The following SSBP2 variants were observed in gnomAD, a reference collection of about 807,000 sequenced individuals.
SSBP2 encodes the protein single stranded DNA binding protein 2, also known as single-stranded DNA-binding protein 2.
SSBP2 carries 17 observed loss-of-function variants against 61.8 expected under a neutral mutation model. The observed-to-expected ratio is 0.28, with a 90% CI of 0.19 to 0.41. SSBP2 has a LOEUF of 0.41. SSBP2 is among the 10% of genes least tolerant of loss of function. The probability of loss-of-function intolerance (pLI) is 1.00; values close to 1 mark genes in which losing one functional copy is unlikely to be tolerated. For missense variants in SSBP2, 310 were observed against 458.7 expected (o/e 0.68, Z 2.96); for synonymous variants, 139 against 141.3 (o/e 0.98, Z 0.12).
upstream of SSBP2, chr5:81,751,280 C>G (rs1431376920): frequency 1.7e-6 from 1 of 578,080 alleles, no homozygotes; most frequent in Non-Finnish European, 3.1e-6. Context: ...CCCTCCTTCC[C>G]TCCCTCCCCG....
intron 4 of SSBP2, 37 bp downstream of exon 4, chr5:81,615,436 T>C (rs563012307): frequency 6.9e-7 from 1 of 1,455,614 alleles, no homozygotes; most frequent in East Asian, 2.3e-5. Context: ...AACAGAAAAC[T>C]GACAGTGTAA....
chr5:81,649,965 C>T (rs1369378059), intron 2 of SSBP2, among the ~76,000 whole-genome samples: 1 of 151,996 alleles, frequency 6.6e-6, no homozygotes, highest in Non-Finnish European at 1.5e-5. Flanking sequence ...TTATAACTCT[C>T]ACAAATTTTT....
chr5:81,459,224 G>A (rs753638967), intron 10 of SSBP2, among the ~76,000 whole-genome samples: 1 of 152,132 alleles, frequency 6.6e-6, no homozygotes, highest in African/African-American at 2.4e-5. Context: ...ATCCTAAAGA[G>A]ATGGAGTACC....
chr5:81,626,469 G>A (rs1017030774), intron 3 of SSBP2, among the ~76,000 whole-genome samples: 5 of 152,156 alleles, frequency 3.3e-5, no homozygotes, highest in Non-Finnish European at 5.9e-5. Flanking sequence ...TAATTATTAC[G>A]TTATTTTGTT....
At chr5:81,675,512 C>T (rs192519954) in intron 1 of SSBP2, among the ~76,000 whole-genome samples, 1 of 152,232 alleles carries the variant, frequency 6.6e-6, no homozygotes, top group Admixed American at 6.5e-5. Context: ...GGAATAGATA[C>T]CTAGACAGCT....
At chr5:81,523,787 G>T (rs534792598) in intron 4 of SSBP2, among the ~76,000 whole-genome samples, 1 of 151,782 alleles carries the variant, frequency 6.6e-6, no homozygotes, top group African/African-American at 2.4e-5. Flanking sequence ...ACTCCCTACC[G>T]CCAACACACA....
At chr5:81,537,366 A>G (rs1403458971) in intron 4 of SSBP2, among the ~76,000 whole-genome samples, 1 of 152,186 alleles carries the variant, frequency 6.6e-6, no homozygotes, top group Non-Finnish European at 1.5e-5. Flanking sequence ...CTGTTCTGCA[A>G]CTAGGCCACA....
intron 4 of SSBP2, among the ~76,000 whole-genome samples, chr5:81,591,829 A>C (rs1775527439): frequency 6.6e-6 from 1 of 152,078 alleles, no homozygotes; most frequent in South Asian, 2.1e-4. Flanking sequence ...TATAAACAAC[A>C]ACAACAAAAG....
chr5:81,632,249 G>A (rs1424726349), intron 3 of SSBP2, among the ~76,000 whole-genome samples: 2 of 152,036 alleles, frequency 1.3e-5, no homozygotes, highest in Non-Finnish European at 2.9e-5. Context: ...TTTTTACAAC[G>A]CTTCCTTTTA....
At chr5:81,467,195 A>G in intron 8 of SSBP2, 130 bp from the exon 9 acceptor site, 1 of 532,300 alleles carries the variant, frequency 1.9e-6, no homozygotes. Flanking sequence ...CCATTCTTGT[A>G]TTTTTGCTTC....
intron 1 of SSBP2, among the ~76,000 whole-genome samples, chr5:81,701,979 A>G (rs183833335): frequency 8.5e-5 from 13 of 152,346 alleles, no homozygotes; most frequent in African/African-American, 2.6e-4. Context: ...ATTAAAATGT[A>G]TGTTTAACTG....
intron 1 of SSBP2, among the ~76,000 whole-genome samples, chr5:81,750,295 G>A (rs1028893571): frequency 5.4e-4 from 78 of 145,606 alleles, no homozygotes; most frequent in Non-Finnish European, 9.5e-4. Flanking sequence ...GGGACTGCGG[G>A]CGCCGCGTCC....
chr5:81,658,487 A>C (rs1037890342), intron 1 of SSBP2, among the ~76,000 whole-genome samples: 3 of 152,158 alleles, frequency 2.0e-5, no homozygotes, highest in Non-Finnish European at 4.4e-5. Context: ...GTACATGTTA[A>C]ATCATCTCTA....
At chr5:81,578,960 A>C (rs923774113) in intron 4 of SSBP2, among the ~76,000 whole-genome samples, 2 of 152,070 alleles carry the variant, frequency 1.3e-5, no homozygotes, top group African/African-American at 4.8e-5. Flanking sequence ...CCTAAATTGT[A>C]TACGAAATAT....
At chr5:81,518,765 C>A (rs1466239780) in intron 4 of SSBP2, among the ~76,000 whole-genome samples, 1 of 152,018 alleles carries the variant, frequency 6.6e-6, no homozygotes, top group Non-Finnish European at 1.5e-5. Context: ...ATTTATCATA[C>A]TAAAAAATCA....
chr5:81,431,089 T>C (rs1190855238), intron 15 of SSBP2, among the ~76,000 whole-genome samples: 2 of 152,122 alleles, frequency 1.3e-5, no homozygotes, highest in African/African-American at 2.4e-5. Context: ...GAACAGGTAA[T>C]GAGGGTAGGT....
chr5:81,565,701 G>T (rs1773370219), intron 4 of SSBP2, among the ~76,000 whole-genome samples: 1 of 151,888 alleles, frequency 6.6e-6, no homozygotes, highest in East Asian at 1.9e-4. Flanking sequence ...TTTTATTTTT[G>T]GAGTTCTCAG....
At chr5:81,612,445 G>A (rs1745543611) in intron 4 of SSBP2, among the ~76,000 whole-genome samples, 1 of 151,840 alleles carries the variant, frequency 6.6e-6, no homozygotes, top group Non-Finnish European at 1.5e-5. Flanking sequence ...GCAGATATTT[G>A]GAAAATACAG....
chr5:81,443,517 T>C (rs1763169234), intron 12 of SSBP2, among the ~76,000 whole-genome samples: 1 of 152,214 alleles, frequency 6.6e-6, no homozygotes, highest in Non-Finnish European at 1.5e-5. Context: ...TTTTCTATTT[T>C]TCCACATTAT....
Sources: allele counts gnomAD v4.1 joint callset (sites outside exome capture counted in the v4.1 genomes callset), GRCh38; gene constraint gnomAD v4.1.1; transcripts MANE v1.5; gene names NCBI Gene and HGNC (gene_info 2026-07-23, HGNC 2026-07-21).